The following RGS8 variants were observed in gnomAD, a reference collection of about 807,000 sequenced individuals.
RGS8 encodes the protein regulator of G-protein signaling 8.
RGS8 carries 8 observed loss-of-function variants against 21.7 expected under a neutral mutation model. That is an observed-to-expected ratio of 0.37 (90% CI 0.22 to 0.66). The LOEUF (loss-of-function observed/expected upper bound fraction) is 0.66. RGS8 is among the 30% of genes least tolerant of loss of function. RGS8 has a pLI of 0.59. For missense variants in RGS8, 157 were observed against 217.9 expected, an observed-to-expected ratio of 0.72 and a Z score of 1.76; for synonymous variants, 80 against 83.6, an observed-to-expected ratio of 0.96 and a Z score of 0.24.
chr1:182,734,774 A>C, the RGS8 span: 1 of 152,218 alleles, frequency 6.6e-6, no homozygotes, highest in African/African-American at 2.4e-5. Flanking sequence ...TTCAGAGCCT[A>C]TAATCACTTA....
chr1:182,646,856 G>A (rs1439688367), exon 7 of RGS8: 4 of 1,614,188 alleles, frequency 2.5e-6, no homozygotes, highest in Admixed American at 1.7e-5. Flanking sequence ...GTCAAAGCAA[G>A]TCAGGGATGG....
chr1:182,656,322 A>G (rs572244950), intron 5 of RGS8, among the ~76,000 whole-genome samples: 61 of 152,184 alleles, frequency 4.0e-4, no homozygotes, highest in African/African-American at 1.4e-3. Flanking sequence ...CACACATACC[A>G]CAGCCCAGCA....
the RGS8 span, among the ~76,000 whole-genome samples, chr1:182,705,104 T>A: frequency 2.7e-4 from 41 of 152,308 alleles, no homozygotes; most frequent in African/African-American, 9.4e-4. Flanking sequence ...AGCAACACCA[T>A]ACATATAGAT....
chr1:182,722,217 G>GT, the RGS8 span, among the ~76,000 whole-genome samples: 47,669 of 144,290 alleles, frequency 0.33, 7,660 homozygotes, highest in African/African-American at 0.37. Context: ...AGAAACAAGT[G>GT]TTTTTTTTTT....
chr1:182,706,757 T>G, the RGS8 span, among the ~76,000 whole-genome samples: 1 of 151,138 alleles, frequency 6.6e-6, no homozygotes, highest in Non-Finnish European at 1.5e-5. Context: ...TGAGCCACCA[T>G]GCCTGGCCAT....
chr1:182,664,357 A>G (rs1663748954), intron 5 of RGS8, among the ~76,000 whole-genome samples: 1 of 152,214 alleles, frequency 6.6e-6, no homozygotes, highest in African/African-American at 2.4e-5. Context: ...GCCGAAATCA[A>G]CGAAAGGTGT....
upstream of RGS8, chr1:182,673,063 A>T (rs569115296): frequency 2.7e-5 from 16 of 584,150 alleles, no homozygotes; most frequent in Admixed American, 1.5e-4. Flanking sequence ...CTGCCCTGGG[A>T]GAAAGCTTGT....
In RGS8 at chr1:182,662,864, G is replaced by A. The variant is rs191625939; in HGVS notation, c.193+3105C>T. On this transcript the variant is annotated intron_variant, in intron 5 of 6. Transcript: ENST00000483095. ...TTACCATAGATTTTGCACACCATGA[G>A]CACTTGGTACATCTTTTTAAACATA... 7.2e-5 allele frequency among the ~76,000 whole-genome samples: 11 copies of A among 152,230 alleles called. No individual in the cohort carries two copies. In the East Asian group the frequency reaches 2.1e-3, roughly 29 times the overall value.
chr1:182,664,901 C>G (rs575884261), intron 5 of RGS8, among the ~76,000 whole-genome samples: 1 of 152,316 alleles, frequency 6.6e-6, no homozygotes, highest in African/African-American at 2.4e-5. Flanking sequence ...GGGAACTGCT[C>G]ATCAAATTGA....
chr1:182,743,037 C>T, the RGS8 span, among the ~76,000 whole-genome samples: 1 of 151,392 alleles, frequency 6.6e-6, no homozygotes, highest in Non-Finnish European at 1.5e-5. Context: ...TATGTAAACA[C>T]CCACAGGCCT....
intron 3 of RGS8, among the ~76,000 whole-genome samples, chr1:182,668,609 A>G (rs556396706): frequency 6.6e-6 from 1 of 152,316 alleles, no homozygotes; most frequent in South Asian, 2.1e-4. Flanking sequence ...TAGGGCTGGA[A>G]CATCCAAGTT....
downstream of RGS8, chr1:182,645,409 G>C (rs1408946506): frequency 6.6e-6 from 1 of 152,202 alleles, no homozygotes; most frequent in Non-Finnish European, 1.5e-5. Context: ...CACTAGTCTT[G>C]TGCCAAAGTC....
At chr1:182,705,916 C>T in the RGS8 span, among the ~76,000 whole-genome samples, 1 of 152,176 alleles carries the variant, frequency 6.6e-6, no homozygotes, top group Non-Finnish European at 1.5e-5. Context: ...AACAGGCCCT[C>T]TCCTCAGTGT....
chr1:182,741,507 GCCA>G, the RGS8 span, among the ~76,000 whole-genome samples: 1 of 80,642 alleles, frequency 1.2e-5, no homozygotes, highest in Non-Finnish European at 2.5e-5. Flanking sequence ...GGCTGACCCC[GCCA>G]CCTCCCTCCC....
the RGS8 span, among the ~76,000 whole-genome samples, chr1:182,711,104 C>T: frequency 2.6e-5 from 4 of 152,188 alleles, no homozygotes; most frequent in Non-Finnish European, 5.9e-5. Flanking sequence ...ACAAGGACCT[C>T]GCTTTGCAAA....
At chr1:182,701,865 T>C in the RGS8 span, among the ~76,000 whole-genome samples, 4 of 152,214 alleles carry the variant, frequency 2.6e-5, no homozygotes, top group East Asian at 7.7e-4. Context: ...CAGAGAAATG[T>C]AAATAAAAAC....
chr1:182,643,756 G>A (rs1289176721), downstream of RGS8: 1 of 152,228 alleles, frequency 6.6e-6, no homozygotes, highest in East Asian at 1.9e-4. Context: ...AGGTGCCCAA[G>A]GCCATGAATG....
upstream of RGS8, among the ~76,000 whole-genome samples, chr1:182,673,418 A>T (rs1394204891): frequency 6.6e-6 from 1 of 152,110 alleles, no homozygotes; most frequent in Non-Finnish European, 1.5e-5. Context: ...CCAGAATTTG[A>T]GTCTTATGAC....
intron 5 of RGS8, among the ~76,000 whole-genome samples, chr1:182,664,284 T>A (rs1208553606): frequency 1.3e-5 from 2 of 149,006 alleles, no homozygotes; most frequent in Non-Finnish European, 3.0e-5. Flanking sequence ...AAGTATCATT[T>A]AAAAAAAAAA....
Sources: allele counts gnomAD v4.1 joint callset (sites outside exome capture counted in the v4.1 genomes callset), GRCh38; gene constraint gnomAD v4.1.1; transcripts MANE v1.5; gene names NCBI Gene and HGNC (gene_info 2026-07-23, HGNC 2026-07-21).